The following TSPAN12 variants were observed in gnomAD, a reference collection of about 807,000 sequenced individuals.
TSPAN12 encodes tetraspanin-12.
Under a neutral mutation model 39.2 loss-of-function variants are expected in TSPAN12, and 19 were observed. The ratio of observed to expected loss-of-function variants is 0.49; its 90% confidence interval spans 0.34 to 0.71. The LOEUF (loss-of-function observed/expected upper bound fraction) is 0.71. TSPAN12 is among the 30% of genes least tolerant of loss of function. The probability of loss-of-function intolerance (pLI) is 0.01; values close to 1 mark genes in which losing one functional copy is unlikely to be tolerated. For synonymous variants in TSPAN12, 119 were observed against 124.8 expected (o/e 0.95, Z 0.31); for missense variants, 314 against 359.9 (o/e 0.87, Z 1.03).
At chr7:120,798,130 G>C (rs1793668128) in intron 7 of TSPAN12, among the ~76,000 whole-genome samples, 1 of 152,196 alleles carries the variant, frequency 6.6e-6, no homozygotes, top group Non-Finnish European at 1.5e-5. Flanking sequence ...ACTCACAATT[G>C]AATGATGTCG....
intron 4 of TSPAN12, among the ~76,000 whole-genome samples, chr7:120,832,820 TG>T (rs1794411974): frequency 2.0e-5 from 3 of 152,058 alleles, no homozygotes; most frequent in Admixed American, 6.6e-5. Context: ...TAAGCAAAAA[TG>T]ATAACTACAG....
intron 7 of TSPAN12, among the ~76,000 whole-genome samples, chr7:120,789,308 T>A (rs1793474927): frequency 6.6e-6 from 1 of 152,186 alleles, no homozygotes; most frequent in Non-Finnish European, 1.5e-5. Flanking sequence ...CCATAGATGG[T>A]AAGTGAATGA....
intron 6 of TSPAN12, among the ~76,000 whole-genome samples, chr7:120,807,405 T>C (rs955779586): frequency 6.6e-6 from 1 of 152,138 alleles, no homozygotes; most frequent in African/African-American, 2.4e-5. Context: ...TAGCAAAAAC[T>C]GTCTCTGATC....
intron 4 of TSPAN12, among the ~76,000 whole-genome samples, chr7:120,820,405 T>C (rs1190265487): frequency 6.6e-6 from 1 of 152,138 alleles, no homozygotes; most frequent in African/African-American, 2.4e-5. Context: ...AAAAATGCTA[T>C]TCTGTACTAG....
chr7:120,808,240 A>AT (rs1295146373), intron 6 of TSPAN12, among the ~76,000 whole-genome samples: 1 of 152,160 alleles, frequency 6.6e-6, no homozygotes, highest in African/African-American at 2.4e-5. Flanking sequence ...TTTCTCAAAT[A>AT]TAAGTATATA....
chr7:120,788,920 A>G (rs375300121), intron 7 of TSPAN12, 23 bp from the exon 8 acceptor site: 3 of 1,612,890 alleles, frequency 1.9e-6, no homozygotes, highest in East Asian at 4.5e-5. Context: ...TACATGGTCA[A>G]CATTACTTTA....
chr7:120,816,357 T>C (rs534074405), intron 4 of TSPAN12, among the ~76,000 whole-genome samples: 2 of 105,926 alleles, frequency 1.9e-5, no homozygotes, highest in East Asian at 5.5e-4. Context: ...TGATAAGGCA[T>C]GCGCAGGCAA....
chr7:120,857,707 G>T (rs1009526936), intron 1 of TSPAN12, 113 bp downstream of exon 1: 1 of 152,162 alleles, frequency 6.6e-6, no homozygotes, highest in Non-Finnish European at 1.5e-5. Context: ...AGCGCCGGCG[G>T]CAGGGAGCCC....
At chr7:120,816,853 A>G (rs1403962837) in intron 4 of TSPAN12, among the ~76,000 whole-genome samples, 2 of 152,148 alleles carry the variant, frequency 1.3e-5, no homozygotes, top group African/African-American at 4.8e-5. Flanking sequence ...GGAGGCATGA[A>G]GCGAGCAGCT....
chr7:120,806,609 T>G lies in TSPAN12; in HGVS notation c.552A>C (p.Arg184Ser), dbSNP rs1276419444. The G allele has an allele frequency of 1.9e-6, 3 of 1,613,620 alleles. No individual in the cohort carries two copies. The highest frequency in any genetic ancestry group is 2.5e-6 in the Non-Finnish European group (3 of 1,179,664). Residue 184 changes from arginine to serine, a missense_variant, in exon 7 of 8, where the codon AGA becomes AGC. Transcript: ENST00000222747. ...MDWPPDSCCVREFPGCSKQAH... is the reference protein window; with the variant it reads ...MDWPPDSCCVSEFPGCSKQAH... ...CCTGTTTGGAACATCCTGGGAATTC[T>G]CTAACACAGCAGGAATCTGGGGGCC...
chr7:120,812,936 T>C (rs149520390), intron 5 of TSPAN12, among the ~76,000 whole-genome samples: 1 of 152,356 alleles, frequency 6.6e-6, no homozygotes, highest in East Asian at 1.9e-4. Flanking sequence ...TCAAGTTACT[T>C]GATTTAGTTA....
intron 7 of TSPAN12, among the ~76,000 whole-genome samples, chr7:120,790,185 TC>T (rs1351677705): frequency 1.3e-5 from 2 of 152,178 alleles, no homozygotes; most frequent in Admixed American, 1.3e-4. Flanking sequence ...CCTTGTGTGT[TC>T]GCATCCTTGA....
intron 2 of TSPAN12, among the ~76,000 whole-genome samples, chr7:120,850,144 T>C (rs1794743586): frequency 6.6e-6 from 1 of 152,246 alleles, no homozygotes; most frequent in Admixed American, 6.5e-5. Context: ...TGGAGATTAC[T>C]GGTGGGTATC....
At chr7:120,832,604 G>T (rs1330554810) in intron 4 of TSPAN12, among the ~76,000 whole-genome samples, 3 of 152,026 alleles carry the variant, frequency 2.0e-5, no homozygotes, top group African/African-American at 7.2e-5. Flanking sequence ...CTGATTCTGG[G>T]TTCCCACAGC....
chr7:120,793,101 C>T (rs1169258249), intron 7 of TSPAN12, among the ~76,000 whole-genome samples: 2 of 152,172 alleles, frequency 1.3e-5, no homozygotes, highest in Non-Finnish European at 1.5e-5. Context: ...AATCAATTAT[C>T]CCTTTCTCTT....
Position 120,856,723 on chromosome 7 carries a change from A to C in TSPAN12, c.41T>G (p.Leu14Arg), listed in dbSNP as rs1185191740. 6.2e-7 allele frequency: 1 copy of C among 1,614,224 alleles called. No individual in the cohort carries two copies. The highest frequency in any genetic ancestry group is 8.5e-7 in the Non-Finnish European group (1 of 1,180,040). Reference sequence around the variant, plus strand: ...CCAAAAGAGCAGATTGAGGGCGTAGAGCAGGCAGCGCAGACACTTCACGGA... The same window carrying C: ...CCAAAAGAGCAGATTGAGGGCGTAGCGCAGGCAGCGCAGACACTTCACGGA... ...EDSVKCLRCL[L>R]YALNLLFWLM... The change falls in exon 2 of 8, where the codon CTC becomes CGC. Residue 14 changes from leucine to arginine, a missense_variant. Transcript: ENST00000222747.
intron 2 of TSPAN12, among the ~76,000 whole-genome samples, chr7:120,841,998 G>C (rs1184819975): frequency 1.3e-5 from 2 of 152,248 alleles, no homozygotes; most frequent in East Asian, 3.9e-4. Context: ...TTTGAAATGT[G>C]TATTTATCTT....
At chr7:120,836,352 A>G (rs1489221241) in intron 4 of TSPAN12, among the ~76,000 whole-genome samples, 1 of 152,222 alleles carries the variant, frequency 6.6e-6, no homozygotes, top group Admixed American at 6.5e-5. Flanking sequence ...GGCACCCCAA[A>G]GGGAATGGAG....
chr7:120,824,079 T>C (rs1794236981), intron 4 of TSPAN12, among the ~76,000 whole-genome samples: 1 of 152,086 alleles, frequency 6.6e-6, no homozygotes, highest in South Asian at 2.1e-4. Flanking sequence ...GTATCCTCAG[T>C]AATTCAAAAT....
Sources: gnomAD v4.1 joint callset for allele counts (sites outside exome capture counted in the v4.1 genomes callset) on GRCh38, gnomAD v4.1.1 for gene constraint, MANE v1.5 for transcripts, NCBI Gene and HGNC (gene_info 2026-07-23, HGNC 2026-07-21) for gene names.